The following DNASE1 variants were observed in gnomAD, a reference collection of about 807,000 sequenced individuals.
DNASE1 encodes deoxyribonuclease 1, also known as deoxyribonuclease-1.
Under a neutral mutation model 33.9 loss-of-function variants are expected in DNASE1, and 40 were observed. That is an observed-to-expected ratio of 1.18 (90% CI 0.92 to 1.54). DNASE1 has a LOEUF of 1.54. Among genes scored for constraint, DNASE1 ranks in the 40% most tolerant of loss-of-function variants. The pLI is 0.00. For missense variants in DNASE1, 518 were observed against 372.6 expected (o/e 1.39, Z -3.21); for synonymous variants, 216 against 160.0 (o/e 1.35, Z -2.64).
intron 1 of DNASE1, among the ~76,000 whole-genome samples, chr16:3,635,655 C>G (rs967023264): frequency 4.6e-5 from 7 of 150,824 alleles, no homozygotes; most frequent in South Asian, 4.2e-4. Flanking sequence ...CTGAGAAAGT[C>G]TCTTCTCTTT....
rs76397583 is a variant in DNASE1, at chr16:3,656,712, A to G, written c.395A>G (p.Asn132Ser). 1 of 1,612,756 alleles carries G rather than the reference A, an allele frequency of 6.2e-7. No individual in the cohort carries two copies. Residue 132 changes from asparagine (N) to serine (S), a missense_variant, in exon 5 of 9, where the codon AAC becomes AGC. By Grantham distance (46) the Asn-to-Ser change is conservative. Coordinates refer to ENST00000246949, the MANE Select transcript of DNASE1 (RefSeq NM_005223.4). ...GCEPCGNDTF[N>S]REPAIVRFFS... ...GAGCCCTGCGGGAACGACACCTTCA[A>G]CCGAGAGCCAGCCATTGTCAGGTTC...
intron 1 of DNASE1, among the ~76,000 whole-genome samples, chr16:3,627,937 CAAAAAAAAAAA>C (rs55920324): frequency 1.7e-4 from 14 of 80,402 alleles, no homozygotes; most frequent in African/African-American, 3.2e-4. Context: ...TCTATTTCTG[CAAAAAAAAAAA>C]AAAAAAAAAA....
chr16:3,629,435 C>T (rs965587030), intron 1 of DNASE1, among the ~76,000 whole-genome samples: 5 of 152,050 alleles, frequency 3.3e-5, no homozygotes, highest in African/African-American at 1.2e-4. Context: ...GAGTAAATCC[C>T]ACTTGTTTGT....
intron 1 of DNASE1, among the ~76,000 whole-genome samples, chr16:3,633,600 C>T (rs892242562): frequency 6.7e-6 from 1 of 149,028 alleles, no homozygotes; most frequent in African/African-American, 2.5e-5. Context: ...AAGAGCGAGA[C>T]TCCATCTCAA....
intron 1 of DNASE1, among the ~76,000 whole-genome samples, chr16:3,617,277 G>T (rs1309588695): frequency 7.7e-6 from 1 of 129,618 alleles, no homozygotes; most frequent in Non-Finnish European, 1.5e-5. Context: ...GGTGAGCCGA[G>T]ATCGCACCAC....
At chr16:3,614,925 G>GT (rs1596545427) in intron 1 of DNASE1, among the ~76,000 whole-genome samples, 1 of 152,124 alleles carries the variant, frequency 6.6e-6, no homozygotes, top group African/African-American at 2.4e-5. Context: ...TAGAGTCCTG[G>GT]TGAAGAAAGT....
downstream of DNASE1, chr16:3,662,000 C>T (rs145014945): frequency 1.7e-4 from 280 of 1,608,386 alleles, 1 homozygote; most frequent in Non-Finnish European, 2.3e-4. Context: ...GGGTTGATCT[C>T]CAGCGTGGGC....
upstream of DNASE1, chr16:3,654,631 A>C (rs2042477857): frequency 2.5e-6 from 1 of 398,892 alleles, no homozygotes; most frequent in African/African-American, 2.1e-5. Flanking sequence ...GACACGGGAT[A>C]GGAACCTTTG....
rs886265578 is a variant in DNASE1 at position 3,626,923 on chromosome 16, G to A, written c.-1358-13792G>A. Among the ~76,000 whole-genome samples the A allele has an allele frequency of 1.1e-4, 16 of 152,122 alleles. 1 individual carries two copies. Among genetic ancestry groups the A allele is most frequent in the Non-Finnish European group, 2.9e-5 (2 of 68,016 alleles). ...GTCTTGCTATGTCACCCAGGCTGGA[G>A]CACGGTGATGTGATCAAAACTCACT... On this transcript the variant is annotated intron_variant and NMD_transcript_variant, in intron 1 of 11. Coordinates refer to the DNASE1 transcript ENST00000570769.
intron 1 of DNASE1, among the ~76,000 whole-genome samples, chr16:3,613,037 T>C (rs1309545524): frequency 6.6e-6 from 1 of 152,084 alleles, no homozygotes; most frequent in African/African-American, 2.4e-5. Flanking sequence ...CATTCAGTGG[T>C]TTCCAGTACG....
downstream of DNASE1, chr16:3,662,804 G>A (rs1305858939): frequency 4.2e-6 from 6 of 1,417,606 alleles, no homozygotes; most frequent in African/African-American, 7.0e-5. Flanking sequence ...CAACGGGCCA[G>A]GTACTGGGAG....
chr16:3,631,404 C>T (rs2041694694), intron 1 of DNASE1, among the ~76,000 whole-genome samples: 1 of 152,146 alleles, frequency 6.6e-6, no homozygotes, highest in African/African-American at 2.4e-5. Context: ...AGGGTTTCAC[C>T]ATATTGGTCA....
intron 1 of DNASE1, among the ~76,000 whole-genome samples, chr16:3,635,321 G>C (rs2041836040): frequency 6.6e-6 from 1 of 151,834 alleles, no homozygotes; most frequent in Non-Finnish European, 1.5e-5. Flanking sequence ...AGCTGTGCGT[G>C]GTGGCGTGTG....
At chr16:3,618,250 T>TAA (rs34169414) in intron 1 of DNASE1, among the ~76,000 whole-genome samples, 1,308 of 120,234 alleles carry the variant, frequency 0.011, 21 homozygotes, top group African/African-American at 0.038. Context: ...AGCCATTTCC[T>TAA]AAAAAAAAAA....
At chr16:3,645,419 C>A (rs915035761) in intron 1 of DNASE1, among the ~76,000 whole-genome samples, 1 of 152,244 alleles carries the variant, frequency 6.6e-6, no homozygotes, top group African/African-American at 2.4e-5. Flanking sequence ...TTGTTTAAAT[C>A]CTCATTGGGA....
intron 7 of DNASE1, 141 bp from the exon 8 acceptor site, chr16:3,657,579 G>A: frequency 7.9e-7 from 1 of 1,262,632 alleles, no homozygotes; most frequent in Non-Finnish European, 1.1e-6. Context: ...CACATTGAGG[G>A]GCACAGACCA....
chr16:3,645,735 G>GT (rs1386366294), intron 1 of DNASE1, among the ~76,000 whole-genome samples: 4 of 152,220 alleles, frequency 2.6e-5, no homozygotes, highest in Non-Finnish European at 4.4e-5. Context: ...TGCAGCTGTT[G>GT]TAAGTCTTTG....
chr16:3,652,625 G>T (rs1429497262), upstream of DNASE1: 1 of 152,240 alleles, frequency 6.6e-6, no homozygotes, highest in Non-Finnish European at 1.5e-5. Context: ...CTCAATAGGA[G>T]GGACAGATGA....
In DNASE1 at chr16:3,654,752, C is replaced by G. The variant is rs2042486022; in HGVS notation, c.-294C>G. 1 of 399,756 alleles carries G rather than the reference C, an allele frequency of 2.5e-6. No individual in the cohort carries two copies. The highest frequency in any genetic ancestry group is 1.3e-4 in the South Asian group (1 of 7,932). 24.8% of individuals were successfully genotyped at this position (399,756 alleles called of 1,614,324 possible). A position where few individuals can be genotyped will look rare whatever the true frequency, so the allele number is the denominator to read the frequency against. Reference sequence around the variant, plus strand: ...AAAGAAACACGTGCTAGCAACCCACCTATGCGGAAAGCCACACAGAGCCAT... The same window carrying G: ...AAAGAAACACGTGCTAGCAACCCACGTATGCGGAAAGCCACACAGAGCCAT... On this transcript the variant is annotated 5_prime_UTR_variant, in exon 1 of 9. Coordinates refer to ENST00000246949, the MANE Select transcript of DNASE1 (RefSeq NM_005223.4).
Sources: allele counts gnomAD v4.1 joint callset (sites outside exome capture counted in the v4.1 genomes callset), GRCh38; gene constraint gnomAD v4.1.1; transcripts MANE v1.5; gene names NCBI Gene and HGNC (gene_info 2026-07-23, HGNC 2026-07-21).